Variants in LRBA observed in about 807,000 individuals in gnomAD.
LRBA encodes LPS responsive beige-like anchor protein, also known as lipopolysaccharide-responsive and beige-like anchor protein.
A neutral mutation model predicts 330.0 loss-of-function variants in LRBA; 176 were observed. The ratio of observed to expected loss-of-function variants is 0.53; its 90% CI spans 0.47 to 0.60. LRBA has a LOEUF of 0.60. LRBA is among the 20% of genes least tolerant of loss of function. The pLI is 0.00. For synonymous variants in LRBA, 1,230 were observed against 1,193.0 expected (o/e 1.03, Z -0.64); for missense variants, 3,259 against 3,444.8 (o/e 0.95, Z 1.35).
intron 2 of LRBA, among the ~76,000 whole-genome samples, chr4:150,979,596 TA>T (rs1179681404): frequency 6.6e-6 from 1 of 152,168 alleles, no homozygotes; most frequent in Non-Finnish European, 1.5e-5. Flanking sequence ...AACAAAAAGT[TA>T]AAAAGCAGGG....
intron 33 of LRBA, among the ~76,000 whole-genome samples, chr4:150,803,792 T>C (rs1448078391): frequency 6.6e-6 from 1 of 152,190 alleles, no homozygotes; most frequent in Admixed American, 6.5e-5. Context: ...CTCAAATTTA[T>C]ACATGAGCAA....
chr4:150,808,868 A>G (rs1669103883), intron 31 of LRBA, among the ~76,000 whole-genome samples: 1 of 152,254 alleles, frequency 6.6e-6, no homozygotes, highest in South Asian at 2.1e-4. Context: ...CAGGGTTAGA[A>G]GCCTAGATCT....
intron 34 of LRBA, among the ~76,000 whole-genome samples, chr4:150,785,682 A>G (rs1738948610): frequency 6.6e-6 from 1 of 152,206 alleles, no homozygotes. Context: ...ATCATAATGA[A>G]CAACTGTTAA....
rs1318451576 is a variant in LRBA at position 150,599,033 on chromosome 4, G to A, written c.6020C>T (p.Ala2007Val). 1.1e-5 allele frequency: 17 copies of A among 1,613,852 alleles called. No homozygotes were observed. In the Admixed American group the frequency reaches 1.7e-4, roughly 16 times the overall value. ...RNPLGSTHPE[A>V]TLKTAVEHAT... is the part of the protein sequence containing the mutation. ...ATGTTCCACGGCTGTTTTTAGTGTCGCTTCAGGATGTGTCGATCCTAGAGG... is the reference window on the plus strand; with the variant it reads ...ATGTTCCACGGCTGTTTTTAGTGTCACTTCAGGATGTGTCGATCCTAGAGG... The change falls in exon 38 of 57, where the codon GCG (alanine) becomes GTG (valine). Residue 2007 changes from alanine (A) to valine (V), a missense_variant. Ala to Val is a moderately conservative substitution (Grantham distance 64, BLOSUM62 0). Transcript: ENST00000651943.
chr4:150,783,524 A>C (rs928517887), intron 34 of LRBA, among the ~76,000 whole-genome samples: 3 of 152,238 alleles, frequency 2.0e-5, no homozygotes, highest in Non-Finnish European at 2.9e-5. Flanking sequence ...GCCAGCAAAC[A>C]AGGCAGTACT....
chr4:150,793,724 C>T (rs1740339254), intron 34 of LRBA, among the ~76,000 whole-genome samples: 1 of 152,090 alleles, frequency 6.6e-6, no homozygotes, highest in South Asian at 2.1e-4. Flanking sequence ...CTGCACAATA[C>T]CTCATTTAGG....
At chr4:150,410,933 A>C (rs1746902194) in intron 47 of LRBA, among the ~76,000 whole-genome samples, 1 of 152,202 alleles carries the variant, frequency 6.6e-6, no homozygotes, top group South Asian at 2.1e-4. Context: ...TTGACATTAT[A>C]TCATAAGAGA....
chr4:150,928,956 T>G lies in LRBA; in HGVS notation c.326A>C (p.Glu109Ala). ...LEKCDITCQA[E>A]VWSMFTAILK... ...AATGGCTGTAAACATGCTCCAGACT[T>G]CTGCTTGGCACGTAATGTCACATTT... The change falls in exon 3 of 57, where the codon GAA (glutamate) becomes GCA (alanine). Residue 109 changes from glutamate to alanine, a missense_variant. Glu to Ala is a moderately radical substitution (Grantham distance 107). Coordinates refer to ENST00000651943, the MANE Select transcript of LRBA (RefSeq NM_001364905.1). 1.2e-6 allele frequency: 2 copies of G among 1,614,016 alleles called. No individual in the cohort carries two copies. The highest frequency in any genetic ancestry group is 1.7e-6 in the Non-Finnish European group (2 of 1,179,958).
chr4:150,408,623 T>C (rs933796546), intron 47 of LRBA, among the ~76,000 whole-genome samples: 59 of 152,146 alleles, frequency 3.9e-4, no homozygotes, highest in African/African-American at 1.3e-3. Flanking sequence ...TAAATATAGA[T>C]TCAAAAATCC....
At chr4:150,549,447 T>C (rs1448469174) in intron 40 of LRBA, among the ~76,000 whole-genome samples, 1 of 152,064 alleles carries the variant, frequency 6.6e-6, no homozygotes. Context: ...TTCTCCTGCC[T>C]CAGCCTCCCG....
chr4:150,864,235 C>A (rs1038513358), intron 22 of LRBA, among the ~76,000 whole-genome samples: 16 of 151,908 alleles, frequency 1.1e-4, no homozygotes, highest in Admixed American at 1.3e-4. Context: ...CGTGCCCGGG[C>A]AACACTTTAC....
intron 47 of LRBA, among the ~76,000 whole-genome samples, chr4:150,355,817 G>C (rs1022071411): frequency 6.6e-6 from 1 of 152,036 alleles, no homozygotes; most frequent in African/African-American, 2.4e-5. Flanking sequence ...TTTGAACATA[G>C]ATAACAGTAT....
intron 36 of LRBA, among the ~76,000 whole-genome samples, chr4:150,713,668 C>T (rs143417374): frequency 6.6e-6 from 1 of 152,098 alleles, no homozygotes; most frequent in Non-Finnish European, 1.5e-5. Flanking sequence ...CAGATAAAAT[C>T]ATGTGGCCTA....
rs796496670 is a variant in LRBA at position 151,011,929 on chromosome 4, C to CCAAA, written c.216+2494_216+2497dup. ...AAACTCTTGGCCTCAAGTGAACCTC[C>CCAAA]CAAAGCTCTGGGATTACAAGCATGA... On this transcript the variant is annotated intron_variant, in intron 2 of 56. Coordinates refer to ENST00000651943, the MANE Select transcript of LRBA (RefSeq NM_001364905.1). 3.3e-5 allele frequency among the ~76,000 whole-genome samples: 5 copies of CCAAA among 151,972 alleles called. No homozygotes were observed. The South Asian group carries it at 8.3e-4, about 25-fold the overall frequency.
intron 37 of LRBA, among the ~76,000 whole-genome samples, chr4:150,604,645 A>G (rs1402531861): frequency 1.3e-5 from 2 of 152,182 alleles, no homozygotes; most frequent in Non-Finnish European, 2.9e-5. Context: ...AACAGAACAG[A>G]GCTTTACTAC....
chr4:150,486,741 C>T (rs1277888558), intron 42 of LRBA, among the ~76,000 whole-genome samples: 3 of 151,706 alleles, frequency 2.0e-5, no homozygotes, highest in Non-Finnish European at 4.4e-5. Flanking sequence ...ATCTCTTCAA[C>T]TATTCCTCCT....
intron 40 of LRBA, among the ~76,000 whole-genome samples, chr4:150,569,920 C>A (rs1441609934): frequency 2.0e-5 from 3 of 152,092 alleles, no homozygotes; most frequent in Non-Finnish European, 2.9e-5. Context: ...TTTGCTGCAG[C>A]TTCTCATTAA....
intron 40 of LRBA, among the ~76,000 whole-genome samples, chr4:150,517,725 T>C (rs1762507166): frequency 6.6e-6 from 1 of 152,194 alleles, no homozygotes; most frequent in South Asian, 2.1e-4. Context: ...ACATTATTTC[T>C]AAATTTTTTT....
At chr4:150,490,524 A>G (rs1581471857) in intron 41 of LRBA, among the ~76,000 whole-genome samples, 1 of 152,010 alleles carries the variant, frequency 6.6e-6, no homozygotes, top group Non-Finnish European at 1.5e-5. Flanking sequence ...TATCACATAT[A>G]TCACACAAAA....
Sources: allele counts gnomAD v4.1 joint callset (sites outside exome capture counted in the v4.1 genomes callset), GRCh38; gene constraint gnomAD v4.1.1; transcripts MANE v1.5; gene names NCBI Gene and HGNC (gene_info 2026-07-23, HGNC 2026-07-21).